ZC3H12C: variants seen among roughly 807,000 people sequenced by gnomAD.
ZC3H12C encodes probable ribonuclease ZC3H12C.
ZC3H12C carries 20 observed loss-of-function variants against 76.3 expected under a neutral mutation model. The ratio of observed to expected loss-of-function variants is 0.26; its 90% confidence interval spans 0.18 to 0.38. ZC3H12C has a LOEUF of 0.38. ZC3H12C is among the 10% of genes least tolerant of loss of function. The pLI, the probability that ZC3H12C is intolerant of heterozygous loss-of-function variation, is 1.00. For synonymous variants in ZC3H12C, 352 were observed against 399.6 expected (o/e 0.88, Z 1.42); for missense variants, 874 against 1,086.5 (o/e 0.80, Z 2.75).
Position 110,165,970 on chromosome 11 carries a change from T to C in ZC3H12C, c.*233T>C, listed in dbSNP as rs1189317796. The C allele has an allele frequency of 2.1e-6, 1 of 466,820 alleles. No homozygotes were observed. The highest frequency in any genetic ancestry group is 5.6e-4 in the Middle Eastern group (1 of 1,774). The allele number at this position is 466,820 out of a possible 1,614,324, so 28.9% of individuals were successfully genotyped here. ...TTAACATTTCCTTTTTAAAGCTATA[T>C]CCTTGGCTGGAAATTTTTCCAGTTT... On this transcript the variant is annotated 3_prime_UTR_variant, in exon 6 of 6. Transcript: ENST00000278590.
chr11:110,139,976 T>A (rs1032740003), intron 2 of ZC3H12C, among the ~76,000 whole-genome samples: 5 of 151,326 alleles, frequency 3.3e-5, no homozygotes, highest in African/African-American at 1.2e-4. Flanking sequence ...GATTTTTCCC[T>A]GGTTTTAGGT....
intron 1 of ZC3H12C, among the ~76,000 whole-genome samples, chr11:110,122,041 A>C (rs1214191510): frequency 6.6e-6 from 1 of 152,236 alleles, no homozygotes; most frequent in East Asian, 1.9e-4. Context: ...TTGGTCAAGC[A>C]GTTTTTAATT....
intron 1 of ZC3H12C, among the ~76,000 whole-genome samples, chr11:110,118,616 G>A (rs1041578002): frequency 6.6e-6 from 1 of 152,104 alleles, no homozygotes; most frequent in African/African-American, 2.4e-5. Flanking sequence ...GGCTGACATG[G>A]TAAAGCCCCG....
At chr11:110,118,754 G>A (rs534366652) in intron 1 of ZC3H12C, among the ~76,000 whole-genome samples, 130 of 152,220 alleles carry the variant, frequency 8.5e-4, no homozygotes, top group Admixed American at 2.3e-3. Flanking sequence ...CCAGGATGGC[G>A]CCACTGCACT....
At position 110,117,933 on chromosome 11, in the gene ZC3H12C, CAT is replaced by C. The variant is rs1446558339; in HGVS notation, c.22-18721_22-18720del. Among the ~76,000 whole-genome samples the C allele has an allele frequency of 6.3e-4, 67 of 106,946 alleles. 16 individuals are homozygous for C. In the Middle Eastern group the frequency reaches 0.017, roughly 27 times the overall value. 70.2% of individuals were successfully genotyped at this position (106,946 alleles called of 152,430 possible). On this transcript the variant is annotated intron_variant, in intron 1 of 5. Transcript: ENST00000278590. ...TATATATTATATATATACACACACA[CAT>C]ATATATATTATATATACACACACAT...
intron 2 of ZC3H12C, among the ~76,000 whole-genome samples, chr11:110,151,656 G>T (rs563446352): frequency 2.0e-5 from 3 of 152,060 alleles, no homozygotes; most frequent in African/African-American, 7.2e-5. Flanking sequence ...CCTTTTGATG[G>T]TGCATTCACC....
chr11:110,130,766 C>G (rs560612923), intron 1 of ZC3H12C, among the ~76,000 whole-genome samples: 40 of 152,226 alleles, frequency 2.6e-4, no homozygotes, highest in Non-Finnish European at 5.4e-4. Flanking sequence ...TACTAGTCAG[C>G]TTTGTATGGC....
At chr11:110,161,899 G>A (rs950775676) in intron 4 of ZC3H12C, among the ~76,000 whole-genome samples, 1 of 152,206 alleles carries the variant, frequency 6.6e-6, no homozygotes, top group Admixed American at 6.5e-5. Flanking sequence ...GGGAGGCCAA[G>A]GCAGGTGCAT....
intron 4 of ZC3H12C, among the ~76,000 whole-genome samples, chr11:110,159,847 C>T (rs1303330241): frequency 6.6e-6 from 1 of 151,014 alleles, no homozygotes; most frequent in Non-Finnish European, 1.5e-5. Flanking sequence ...TGATAGCTTA[C>T]TAAATAAGCC....
chr11:110,127,951 C>G (rs1036923977), intron 1 of ZC3H12C, among the ~76,000 whole-genome samples: 2 of 151,626 alleles, frequency 1.3e-5, no homozygotes, highest in Non-Finnish European at 2.9e-5. Flanking sequence ...GAAGTGAACT[C>G]AGATCACTGC....
At chr11:110,154,451 G>A (rs781158026) in intron 3 of ZC3H12C, among the ~76,000 whole-genome samples, 5 of 152,034 alleles carry the variant, frequency 3.3e-5, no homozygotes, top group Non-Finnish European at 1.5e-5. Context: ...GCAAGTCATG[G>A]TGGAGTCCAA....
In ZC3H12C at chr11:110,136,857, T is replaced by C. The variant is rs752925233; in HGVS notation, c.216T>C (p.Asn72=). ...AAAACCCAAGTATGGATACCGTTAA[T>C]GTGGGGAAGGATGAAAAAGAGGCGT... ...TVENPSMDTV[N]VGKDEKEASE... is the part of the protein sequence containing the mutation. The change falls in exon 2 of 6, where the codon AAT becomes AAC. Residue 72 remains asparagine (N), a synonymous_variant. Coordinates refer to ENST00000278590, the MANE Select transcript of ZC3H12C (RefSeq NM_033390.2). 8 of 1,613,822 alleles carry C rather than the reference T, an allele frequency of 5.0e-6. No homozygotes were observed. The highest frequency in any genetic ancestry group is 1.6e-4 in the Middle Eastern group (1 of 6,062).
chr11:110,161,213 G>A (rs1378004915), intron 4 of ZC3H12C, among the ~76,000 whole-genome samples: 2 of 152,124 alleles, frequency 1.3e-5, no homozygotes, highest in Non-Finnish European at 2.9e-5. Flanking sequence ...TATACGACTG[G>A]GGGCATGGTA....
intron 1 of ZC3H12C, among the ~76,000 whole-genome samples, chr11:110,120,562 T>C (rs990598007): frequency 1.3e-5 from 2 of 152,246 alleles, no homozygotes; most frequent in Non-Finnish European, 2.9e-5. Context: ...AGCTTCTCAT[T>C]CAGCCTCTGC....
chr11:110,097,629 G>A (rs1284249007), intron 1 of ZC3H12C, among the ~76,000 whole-genome samples: 1 of 152,064 alleles, frequency 6.6e-6, no homozygotes, highest in Non-Finnish European at 1.5e-5. Flanking sequence ...TGAGAATACC[G>A]AACCACAATG....
intron 1 of ZC3H12C, among the ~76,000 whole-genome samples, chr11:110,101,399 T>C (rs1309763176): frequency 6.6e-6 from 1 of 152,158 alleles, no homozygotes; most frequent in African/African-American, 2.4e-5. Context: ...CTAAGACTTT[T>C]ATAGCTAGAG....
At chr11:110,117,702 TATTATATATATACACACACACA>T (rs1308311334) in intron 1 of ZC3H12C, among the ~76,000 whole-genome samples, 21 of 116,292 alleles carry the variant, frequency 1.8e-4, no homozygotes, top group South Asian at 5.1e-4. Context: ...CACACATATA[TATTATATATATACACACACACA>T]TATATATATA....
chr11:110,162,512 A>T (rs622192), intron 4 of ZC3H12C, among the ~76,000 whole-genome samples: 105,080 of 152,152 alleles, frequency 0.69, 37,062 homozygotes, highest in South Asian at 0.78. Context: ...AATGAATAGC[A>T]GAATTCTTCA....
At chr11:110,127,984 A>T (rs1332899141) in intron 1 of ZC3H12C, among the ~76,000 whole-genome samples, 1 of 152,032 alleles carries the variant, frequency 6.6e-6, no homozygotes, top group East Asian at 1.9e-4. Flanking sequence ...TTGATGCCAT[A>T]CCCCCACATC....
Sources: allele counts gnomAD v4.1 joint callset (sites outside exome capture counted in the v4.1 genomes callset), GRCh38; gene constraint gnomAD v4.1.1; transcripts MANE v1.5; gene names NCBI Gene and HGNC (gene_info 2026-07-23, HGNC 2026-07-21).